DEK: variants seen among roughly 807,000 people sequenced by gnomAD.
The protein encoded by DEK is protein DEK.
A neutral mutation model predicts 46.8 loss-of-function variants in DEK; 28 were observed. That is an observed-to-expected ratio of 0.60 (90% CI 0.44 to 0.82). DEK has a LOEUF of 0.82. DEK is among the 40% of genes least tolerant of loss of function. The pLI, the probability that DEK is intolerant of heterozygous loss-of-function variation, is 0.00. For missense variants in DEK, 416 were observed against 430.6 expected (o/e 0.97, Z 0.30); for synonymous variants, 160 against 144.5 (o/e 1.11, Z -0.77).
rs1790849104 is a variant in DEK at position 18,240,401 on chromosome 6, C to G, written c.763-2885G>C. ...GACATAATAGTTCAAAGAGTACAGG[C>G]TCTAGCAGCAAGCTGCCTGGTTTCA... On this transcript the variant is annotated intron_variant, in intron 7 of 10. Coordinates refer to ENST00000652689, the MANE Select transcript of DEK (RefSeq NM_003472.4). Among the ~76,000 whole-genome samples, 8 of 152,186 alleles carry G rather than the reference C, an allele frequency of 5.3e-5. No homozygotes were observed. In the South Asian group the frequency reaches 1.7e-3, roughly 31 times the overall value.
At chr6:18,249,910 ATCAAC>A in intron 6 of DEK, 71 bp from the exon 7 acceptor site, 1 of 1,478,992 alleles carries the variant, frequency 6.8e-7, no homozygotes, top group Non-Finnish European at 9.0e-7. Flanking sequence ...TTGAAAACTT[ATCAAC>A]TCAATTTCTT....
At chr6:18,261,740 G>A (rs1168320376) in intron 2 of DEK, among the ~76,000 whole-genome samples, 1 of 152,104 alleles carries the variant, frequency 6.6e-6, no homozygotes, top group East Asian at 1.9e-4. Context: ...ACTTGTTTTT[G>A]ATCTCACAGG....
intron 6 of DEK, among the ~76,000 whole-genome samples, chr6:18,251,005 T>C (rs776434362): frequency 7.2e-5 from 11 of 152,328 alleles, no homozygotes; most frequent in Non-Finnish European, 1.3e-4. Flanking sequence ...TTAAACCATG[T>C]ATATTAAAAG....
intron 2 of DEK, 50 bp from the exon 3 acceptor site, chr6:18,258,455 A>G (rs1465818361): frequency 1.5e-6 from 2 of 1,351,424 alleles, no homozygotes; most frequent in Admixed American, 1.7e-5. Flanking sequence ...TAAACATTGT[A>G]TTAACTTTAT....
intron 2 of DEK, among the ~76,000 whole-genome samples, chr6:18,260,939 T>C (rs543133459): frequency 9.0e-5 from 13 of 144,682 alleles, no homozygotes; most frequent in South Asian, 6.5e-4. Flanking sequence ...TGAGCTGAGA[T>C]CATGTTACTG....
intron 7 of DEK, among the ~76,000 whole-genome samples, chr6:18,246,188 C>A (rs1291995195): frequency 1.3e-5 from 2 of 152,160 alleles, no homozygotes; most frequent in Non-Finnish European, 2.9e-5. Flanking sequence ...TTTTCATAAT[C>A]AATTTAGAGA....
chr6:18,243,609 A>T (rs926754015), intron 7 of DEK, among the ~76,000 whole-genome samples: 1 of 152,176 alleles, frequency 6.6e-6, no homozygotes, highest in Admixed American at 6.5e-5. Flanking sequence ...CCCAAGGTCA[A>T]CTTGAATTGG....
In DEK at chr6:18,247,754, C is replaced by T. The variant is rs147763920; in HGVS notation, c.762+1897G>A. On this transcript the variant is annotated intron_variant, in intron 7 of 10. Transcript: ENST00000652689. ...TGGTGCGATCTCAGCTCACTGCAACCTCTGCCTCCCCGGTTCAAGCAATTC... is the reference window on the plus strand; with the variant it reads ...TGGTGCGATCTCAGCTCACTGCAACTTCTGCCTCCCCGGTTCAAGCAATTC... Among the ~76,000 whole-genome samples, 608 of 152,194 alleles carry T rather than the reference C, an allele frequency of 4.0e-3. 5 individuals carry two copies. Among genetic ancestry groups the T allele is most frequent in the African/African-American group, 0.014 (587 of 41,528 alleles).
At chr6:18,226,017 G>A (rs969051568) in intron 10 of DEK, 157 bp downstream of exon 10, 5 of 805,552 alleles carry the variant, frequency 6.2e-6, no homozygotes, top group Non-Finnish European at 7.2e-6. Context: ...AAGCTTTAAA[G>A]TGGGAATGAG....
intron 7 of DEK, among the ~76,000 whole-genome samples, chr6:18,237,889 CAG>C (rs1488280588): frequency 1.9e-5 from 2 of 106,388 alleles, no homozygotes; most frequent in Admixed American, 1.4e-4. Context: ...TTTTTTGAGA[CAG>C]AGTCTTGCTG....
chr6:18,252,349 A>AATTT, intron 6 of DEK, among the ~76,000 whole-genome samples: 1 of 152,006 alleles, frequency 6.6e-6, no homozygotes, highest in African/African-American at 2.4e-5. Context: ...GTCTCTAAGA[A>AATTT]AATGTAAAAT....
At chr6:18,232,344 T>C (rs903535445) in intron 9 of DEK, among the ~76,000 whole-genome samples, 4 of 152,158 alleles carry the variant, frequency 2.6e-5, no homozygotes, top group African/African-American at 9.7e-5. Flanking sequence ...TTCAACATAG[T>C]GCTGGAAGTT....
intron 9 of DEK, among the ~76,000 whole-genome samples, chr6:18,229,396 G>C (rs1214396532): frequency 6.6e-6 from 1 of 152,292 alleles, no homozygotes. Context: ...ACTTTGATGA[G>C]TTGAGAGAAG....
intron 7 of DEK, among the ~76,000 whole-genome samples, chr6:18,240,525 T>C (rs1156623288): frequency 6.6e-6 from 1 of 152,224 alleles, no homozygotes; most frequent in East Asian, 1.9e-4. Context: ...CATTAACAGA[T>C]GAAAAGTATT....
chr6:18,243,706 T>C (rs1265881503), intron 7 of DEK, among the ~76,000 whole-genome samples: 2 of 152,240 alleles, frequency 1.3e-5, no homozygotes, highest in Non-Finnish European at 2.9e-5. Context: ...AAGTATCAAA[T>C]GGCATTTGCT....
chr6:18,254,023 A>G (rs1014940921), intron 6 of DEK, among the ~76,000 whole-genome samples: 5 of 152,116 alleles, frequency 3.3e-5, no homozygotes, highest in African/African-American at 1.2e-4. Flanking sequence ...TTTAAACAAA[A>G]CAATACATTG....
At position 18,224,103 on chromosome 6, in the gene DEK, C is replaced by G. The variant is rs1053943929; in HGVS notation, c.*1616G>C. 3 of 163,868 alleles carry G rather than the reference C, an allele frequency of 1.8e-5. No individual in the cohort carries two copies. In the South Asian group the frequency reaches 6.1e-4, roughly 33 times the overall value. 10.2% of individuals were successfully genotyped at this position (163,868 alleles called of 1,614,324 possible). On this transcript the variant is annotated 3_prime_UTR_variant, in exon 11 of 11. Transcript: ENST00000652689. ...ATAGGGCTGAATCAATTTAAAAATC[C>G]CTTTTCAGAATTATTCCCCATAAGG...
intron 9 of DEK, among the ~76,000 whole-genome samples, chr6:18,228,861 A>G (rs1336885663): frequency 6.6e-6 from 1 of 152,214 alleles, no homozygotes; most frequent in Non-Finnish European, 1.5e-5. Context: ...TGAGTTGTAA[A>G]CAAAGCTGCG....
chr6:18,254,129 G>A (rs748451852), intron 6 of DEK, among the ~76,000 whole-genome samples: 1 of 152,130 alleles, frequency 6.6e-6, no homozygotes. Context: ...TCAGGAGTTC[G>A]AGACCAGCCT....
Sources: gnomAD v4.1 joint callset for allele counts (sites outside exome capture counted in the v4.1 genomes callset) on GRCh38, gnomAD v4.1.1 for gene constraint, MANE v1.5 for transcripts, NCBI Gene and HGNC (gene_info 2026-07-23, HGNC 2026-07-21) for gene names.